PHYHD1: variants seen among roughly 807,000 people sequenced by gnomAD.
The protein encoded by PHYHD1 is phytanoyl-CoA dioxygenase domain-containing protein 1.
Under a neutral mutation model 43.6 loss-of-function variants are expected in PHYHD1, and 42 were observed. The ratio of observed to expected loss-of-function variants is 0.96; its 90% CI spans 0.75 to 1.25. The LOEUF (loss-of-function observed/expected upper bound fraction) is 1.25, where lower values mean the gene tolerates loss of function less well. PHYHD1 is among the 50% of genes most tolerant of loss of function. The pLI is 0.00. For synonymous variants in PHYHD1, 139 were observed against 143.6 expected, an observed-to-expected ratio of 0.97 and a Z score of 0.23; for missense variants, 342 against 370.8, an observed-to-expected ratio of 0.92 and a Z score of 0.64.
intron 6 of PHYHD1, among the ~76,000 whole-genome samples, chr9:128,935,055 C>T (rs1169088851): frequency 1.3e-5 from 2 of 152,186 alleles, no homozygotes; most frequent in Non-Finnish European, 2.9e-5. Context: ...ACCCCAAAGT[C>T]AAGTAAGAAA....
intron 4 of PHYHD1, among the ~76,000 whole-genome samples, chr9:128,933,513 G>A (rs1304135212): frequency 6.6e-6 from 1 of 152,102 alleles, no homozygotes; most frequent in East Asian, 1.9e-4. Context: ...GGCTGCTAGG[G>A]AACCAGCCCT....
intron 3 of PHYHD1, among the ~76,000 whole-genome samples, chr9:128,924,796 G>A (rs1841093564): frequency 6.6e-6 from 1 of 151,868 alleles, no homozygotes; most frequent in Non-Finnish European, 1.5e-5. Context: ...TTAGCCAGGT[G>A]TGGTGGTGCA....
chr9:128,922,936 CTTTTTTTTT>C (rs59238657), intron 3 of PHYHD1, among the ~76,000 whole-genome samples: 1 of 90,676 alleles, frequency 1.1e-5, no homozygotes, highest in Non-Finnish European at 2.1e-5. Context: ...ATGCCCAGCT[CTTTTTTTTT>C]TTTTTTTTTT....
At chr9:128,923,359 T>C (rs1008527137) in intron 3 of PHYHD1, among the ~76,000 whole-genome samples, 1 of 152,192 alleles carries the variant, frequency 6.6e-6, no homozygotes, top group Non-Finnish European at 1.5e-5. Flanking sequence ...CAACAAGGCA[T>C]GAGCCACCGC....
chr9:128,927,773 G>C (rs1468337252), intron 4 of PHYHD1, among the ~76,000 whole-genome samples: 1 of 152,234 alleles, frequency 6.6e-6, no homozygotes, highest in East Asian at 1.9e-4. Context: ...CTGATACCAA[G>C]TCCCTGCTGT....
intron 1 of PHYHD1, 120 bp downstream of exon 1, chr9:128,921,788 G>T (rs1235513546): frequency 2.0e-5 from 3 of 153,076 alleles, no homozygotes; most frequent in African/African-American, 7.2e-5. Context: ...AATCCTCCCA[G>T]GACCGAGAGG....
chr9:128,939,565 C>T (rs1841503484), intron 9 of PHYHD1, among the ~76,000 whole-genome samples: 1 of 116,832 alleles, frequency 8.6e-6, no homozygotes, highest in African/African-American at 2.7e-5. Flanking sequence ...GGCGACAGAG[C>T]CAGACTCCGT....
At chr9:128,932,888 C>A (rs557835363) in intron 4 of PHYHD1, among the ~76,000 whole-genome samples, 1 of 151,464 alleles carries the variant, frequency 6.6e-6, no homozygotes, top group Non-Finnish European at 1.5e-5. Flanking sequence ...TGCTCTGTTG[C>A]CTAGGCCAGA....
intron 2 of PHYHD1, 79 bp downstream of exon 2, chr9:128,922,126 T>G: frequency 1.7e-6 from 1 of 585,434 alleles, no homozygotes; most frequent in South Asian, 2.3e-5. Flanking sequence ...AAAGGGCAAA[T>G]CCTGGATTAG....
intron 3 of PHYHD1, 24 bp downstream of exon 3, chr9:128,922,380 G>C (rs1841020464): frequency 5.8e-6 from 9 of 1,547,730 alleles, no homozygotes; most frequent in Non-Finnish European, 7.9e-6. Flanking sequence ...AGTCGGGGCC[G>C]GGAGGGTCAT....
intron 3 of PHYHD1, among the ~76,000 whole-genome samples, chr9:128,922,706 T>A (rs75359884): frequency 6.6e-6 from 1 of 152,212 alleles, no homozygotes; most frequent in Non-Finnish European, 1.5e-5. Context: ...GGAGGGCCCA[T>A]GTTCGTCCAA....
At position 128,936,457 on chromosome 9, in the gene PHYHD1, C is replaced by T; in HGVS notation, c.326C>T (p.Ala109Val). The change falls in exon 7 of 13, where the codon GCC (alanine) becomes GTC (valine). Residue 109 changes from alanine to valine, a missense_variant. By Grantham distance (64) the Ala-to-Val change is moderately conservative. Coordinates refer to ENST00000372592, the MANE Select transcript of PHYHD1 (RefSeq NM_001100876.2). ...SINKIGHALHAHDPVFKSITH... is the reference protein window; with the variant it reads ...SINKIGHALHVHDPVFKSITH... ...TCCTTCTGTCCCATAGCTCTGCACG[C>T]CCACGACCCCGTCTTCAAGAGCATC... 1 of 1,612,856 alleles carries T rather than the reference C, an allele frequency of 6.2e-7. No homozygotes were observed. Among genetic ancestry groups the T allele is most frequent in the Non-Finnish European group, 8.5e-7 (1 of 1,179,610 alleles).
intron 4 of PHYHD1, among the ~76,000 whole-genome samples, chr9:128,931,112 A>AT (rs1317744150): frequency 6.6e-6 from 1 of 151,922 alleles, no homozygotes; most frequent in Non-Finnish European, 1.5e-5. Context: ...TAGAGCCAGG[A>AT]TTTTTTTGTT....
intron 11 of PHYHD1, among the ~76,000 whole-genome samples, chr9:128,940,935 G>A (rs1268996496): frequency 1.3e-5 from 2 of 152,124 alleles, no homozygotes; most frequent in South Asian, 2.1e-4. Flanking sequence ...GCTACTTATG[G>A]GCTGTTTCTC....
rs751550740 is a variant in PHYHD1, at chr9:128,933,150, CTTTTTTTTTTTT to C, written c.193-621_193-610del. Among the ~76,000 whole-genome samples the C allele has an allele frequency of 2.4e-3, 249 of 104,230 alleles. 10 individuals carry two copies. The South Asian group carries it at 0.055, about 23-fold the overall frequency. The allele number at this position is 104,230 out of a possible 152,430, so 68.4% of individuals were successfully genotyped here. A position where few individuals can be genotyped will look rare whatever the true frequency, so the allele number is the denominator to read the frequency against. On this transcript the variant is annotated intron_variant, in intron 4 of 12. Coordinates refer to ENST00000372592, the MANE Select transcript of PHYHD1 (RefSeq NM_001100876.2). ...ACAGGCATGAGCCACTGCACCCAGACTTTTTTTTTTTTTTTTTTTTTTGAGACAGAGTCTCAC... is the reference window on the plus strand; with the variant it reads ...ACAGGCATGAGCCACTGCACCCAGACTTTTTTTTTTGAGACAGAGTCTCAC...
In PHYHD1 at chr9:128,941,862, TG is replaced by T; in HGVS notation, c.*152del. 9.4e-7 allele frequency: 1 copy of T among 1,066,728 alleles called. No individual in the cohort carries two copies. The allele number at this position is 1,066,728 out of a possible 1,614,324, so 66.1% of individuals were successfully genotyped here. A position where few individuals can be genotyped will look rare whatever the true frequency, so the allele number is the denominator to read the frequency against. On this transcript the variant is annotated 3_prime_UTR_variant, in exon 13 of 13. Coordinates refer to ENST00000372592, the MANE Select transcript of PHYHD1 (RefSeq NM_001100876.2). ...CTGCCCTGTGGGCAGCAGCCTAGGC[TG>T]GGTCAGGGGCTTCCCTAAGATCTTC...
chr9:128,926,520 G>A (rs930383140), intron 3 of PHYHD1, among the ~76,000 whole-genome samples: 9 of 150,844 alleles, frequency 6.0e-5, no homozygotes, highest in Admixed American at 2.0e-4. Context: ...GATTACAGGC[G>A]TGAGCCACTG....
intron 4 of PHYHD1, among the ~76,000 whole-genome samples, chr9:128,931,520 G>GTTTTTC (rs1370895242): frequency 3.2e-4 from 48 of 151,602 alleles, no homozygotes; most frequent in Non-Finnish European, 6.2e-4. Context: ...TCAGTTTTTT[G>GTTTTTC]TTTTTCTTTT....
At chr9:128,930,152 C>T (rs762112979) in intron 4 of PHYHD1, among the ~76,000 whole-genome samples, 1 of 151,504 alleles carries the variant, frequency 6.6e-6, no homozygotes, top group Non-Finnish European at 1.5e-5. Flanking sequence ...TGGTGATGCA[C>T]GTGTGTAATC....
Sources: gnomAD v4.1 joint callset for allele counts (sites outside exome capture counted in the v4.1 genomes callset) on GRCh38, gnomAD v4.1.1 for gene constraint, MANE v1.5 for transcripts, NCBI Gene and HGNC (gene_info 2026-07-23, HGNC 2026-07-21) for gene names.